SH2D7: variants seen among roughly 807,000 people sequenced by gnomAD.
SH2D7 encodes SH2 domain-containing protein 7.
SH2D7 carries 32 observed loss-of-function variants against 40.8 expected under a neutral mutation model. That is an observed-to-expected ratio of 0.78 (90% CI 0.59 to 1.05). SH2D7 has a LOEUF of 1.05. Among genes scored for constraint, SH2D7 ranks in the 50% least tolerant of loss-of-function variants. The pLI, the probability that SH2D7 is intolerant of heterozygous loss-of-function variation, is 0.00. For missense variants in SH2D7, 559 were observed against 566.6 expected, an observed-to-expected ratio of 0.99 and a Z score of 0.14; for synonymous variants, 195 against 221.5, an observed-to-expected ratio of 0.88 and a Z score of 1.06.
rs1176002367 is a variant in SH2D7 at position 78,101,514 on chromosome 15, C to T, written c.1261C>T (p.Gln421Ter). 6.2e-7 allele frequency: 1 copy of T among 1,606,712 alleles called. No individual in the cohort carries two copies. Among genetic ancestry groups the T allele is most frequent in the African/African-American group, 1.3e-5 (1 of 74,496 alleles). ...ELSEPGNTYE[Q>*]IPATKSKETG... ...CTCAGAGCCTGGGAACACCTATGAA[C>T]AGATCCCAGCAACCAAGAGCAAGGA... The change falls in exon 5 of 6, where the codon CAG becomes TAG. Residue 421 changes from glutamine (Q) to a stop codon, truncating the protein, a stop_gained. Coordinates refer to ENST00000328828, the MANE Select transcript of SH2D7 (RefSeq NM_001101404.2). LOFTEE classifies it high-confidence loss of function.
chr15:78,092,887 CG>C (rs1567042626), intron 1 of SH2D7, 127 bp downstream of exon 1: 8 of 1,208,184 alleles, frequency 6.6e-6, no homozygotes, highest in East Asian at 2.6e-5. Flanking sequence ...CCCTTGGAGG[CG>C]GGGGGCAGGG....
chr15:78,093,916 T>A (rs964492013), intron 1 of SH2D7, among the ~76,000 whole-genome samples, 196 bp from the exon 2 acceptor site: 10 of 152,166 alleles, frequency 6.6e-5, no homozygotes, highest in Admixed American at 1.3e-4. Context: ...ACTTAATCAT[T>A]TGGGCTCAGA....
upstream of SH2D7, among the ~76,000 whole-genome samples, chr15:78,091,547 A>T (rs1373470737): frequency 1.3e-5 from 2 of 152,090 alleles, no homozygotes; most frequent in Admixed American, 1.3e-4. Context: ...CTTGAGGCTG[A>T]CTGCACCATC....
chr15:78,097,883 GCT>G lies in SH2D7; in HGVS notation c.267-45_267-44del, dbSNP rs2073983067. 2.5e-6 allele frequency: 4 copies of G among 1,597,334 alleles called. No homozygotes were observed. In the East Asian group the frequency reaches 8.9e-5, roughly 36 times the overall value. On this transcript the variant is annotated intron_variant, in intron 2 of 5. Coordinates refer to ENST00000328828, the MANE Select transcript of SH2D7 (RefSeq NM_001101404.2). ...AGCTCAGACCCTGGGCCAAGGCTGGGCTGCCTGTGACCAGCAGCCCCAGACCA... is the reference window on the plus strand; with the variant it reads ...AGCTCAGACCCTGGGCCAAGGCTGGGGCCTGTGACCAGCAGCCCCAGACCA...
chr15:78,094,238 C>T, intron 2 of SH2D7, 37 bp downstream of exon 2: 1 of 1,573,178 alleles, frequency 6.4e-7, no homozygotes, highest in Non-Finnish European at 8.6e-7. Context: ...CAAGCTCATC[C>T]TACCATAACC....
At chr15:78,094,008 A>T (rs1330099790) in intron 1 of SH2D7, 104 bp from the exon 2 acceptor site, 26 of 1,147,184 alleles carry the variant, frequency 2.3e-5, no homozygotes, top group Middle Eastern at 2.6e-4. Flanking sequence ...GGAGGTCTGG[A>T]ACCCAAAGGC....
At position 78,098,086 on chromosome 15, in the gene SH2D7, T is replaced by TA; in HGVS notation, c.424_425insA (p.Cys142Ter). The TA allele has an allele frequency of 6.2e-7, 1 of 1,608,334 alleles. No individual in the cohort carries two copies. The highest frequency in any genetic ancestry group is 8.5e-7 in the Non-Finnish European group (1 of 1,176,980). Residue 142 changes from cysteine to a stop codon, truncating the protein, a stop_gained and frameshift_variant, in exon 3 of 6, where the codon TGC (cysteine) becomes TAGC (stop). Coordinates refer to ENST00000328828, the MANE Select transcript of SH2D7 (RefSeq NM_001101404.2). LOFTEE classifies it high-confidence loss of function. ...CTTCAAAGAGATGCTGACTGCTGCC[T>TA]GCCCCCGGGTAGGCGCCCCACTTCC... is the stretch of plus-strand genomic sequence containing the variant. ...EPFKEMLTAA[C>*]PRPEDNDLYD...
At chr15:78,092,961 A>T (rs796744767) in intron 1 of SH2D7, among the ~76,000 whole-genome samples, 6 of 151,046 alleles carry the variant, frequency 4.0e-5, no homozygotes, top group African/African-American at 1.5e-4. Flanking sequence ...CGGGGAGGGC[A>T]ACGGCCTCTA....
At chr15:78,092,489 G>C (rs2073945420), upstream of SH2D7, 11 of 1,352,380 alleles carry the variant, frequency 8.1e-6, no homozygotes, top group Admixed American at 1.5e-4. Context: ...TGGGCCCTTG[G>C]GTAGGGCACG....
At chr15:78,103,391 G>A in intron 5 of SH2D7, 74 bp from the exon 6 acceptor site, 2 of 1,525,896 alleles carry the variant, frequency 1.3e-6, no homozygotes, top group Non-Finnish European at 8.9e-7. Context: ...AGGTCAATGA[G>A]GGGTCCTCGG....
chr15:78,096,983 C>T (rs536670235), intron 2 of SH2D7, among the ~76,000 whole-genome samples: 3 of 152,224 alleles, frequency 2.0e-5, no homozygotes, highest in East Asian at 1.9e-4. Context: ...CCGGAAACTA[C>T]CTAAATGTCT....
chr15:78,103,838 C>T lies in SH2D7; in HGVS notation c.*323C>T, dbSNP rs1366782941. On this transcript the variant is annotated 3_prime_UTR_variant, in exon 6 of 6. Coordinates refer to ENST00000328828, the MANE Select transcript of SH2D7 (RefSeq NM_001101404.2). ...CCAGATAAGCATGCTGAGGCCCAGG[C>T]AGACTGACTGAACCTGCCTCCCACT... 2.9e-6 allele frequency: 1 copy of T among 348,272 alleles called. No individual in the cohort carries two copies. Among genetic ancestry groups the T allele is most frequent in the Non-Finnish European group, 5.4e-6 (1 of 186,354 alleles). 21.6% of individuals were successfully genotyped at this position (348,272 alleles called of 1,614,324 possible). A position where few individuals can be genotyped will look rare whatever the true frequency, so the allele number is the denominator to read the frequency against.
rs1287572073 is a variant in SH2D7 at position 78,097,923 on chromosome 15, T to C, written c.267-6T>C. On this transcript the variant is annotated splice_region_variant and splice_polypyrimidine_tract_variant and intron_variant, in intron 2 of 5. Transcript: ENST00000328828. ...CAGCCCCAGACCACAAGCACTTGTGTTGCAGGGGCAGTGATCGCTGCCGAC... is the reference window on the plus strand; with the variant it reads ...CAGCCCCAGACCACAAGCACTTGTGCTGCAGGGGCAGTGATCGCTGCCGAC... The C allele has an allele frequency of 6.2e-7, 1 of 1,613,112 alleles. No individual in the cohort carries two copies. The highest frequency in any genetic ancestry group is 8.5e-7 in the Non-Finnish European group (1 of 1,179,358).
Position 78,103,488 on chromosome 15 carries a change from C to T in SH2D7, c.1329C>T (p.Phe443=). 6.4e-7 allele frequency: 1 copy of T among 1,564,252 alleles called. No individual in the cohort carries two copies. Among genetic ancestry groups the T allele is most frequent in the Non-Finnish European group, 8.7e-7 (1 of 1,153,486 alleles). ...AGCCTGACAAGCTTCGGAGGCTCTT[C>T]TTCACGTACAGGAAGCACAAATTCT... ...THKPDKLRRL[F]FTYRKHKF Residue 443 remains phenylalanine (F), a synonymous_variant, in exon 6 of 6, where the codon TTC becomes TTT. Coordinates refer to ENST00000328828, the MANE Select transcript of SH2D7 (RefSeq NM_001101404.2).
chr15:78,103,797 T>G lies in SH2D7; in HGVS notation c.*282T>G. On this transcript the variant is annotated 3_prime_UTR_variant, in exon 6 of 6. Coordinates refer to ENST00000328828, the MANE Select transcript of SH2D7 (RefSeq NM_001101404.2). ...GAATGAGATTGGCCAAAGGCAGGGG[T>G]CACCACCCCCATTTCCCAGATAAGC... 1 of 437,070 alleles carries G rather than the reference T, an allele frequency of 2.3e-6. No homozygotes were observed. Among genetic ancestry groups the G allele is most frequent in the South Asian group, 3.0e-5 (1 of 33,056 alleles). 27.1% of individuals were successfully genotyped at this position (437,070 alleles called of 1,614,324 possible). A position where few individuals can be genotyped will look rare whatever the true frequency, so the allele number is the denominator to read the frequency against.
chr15:78,091,201 T>C (rs758155906), upstream of SH2D7: 3 of 152,232 alleles, frequency 2.0e-5, no homozygotes, highest in Non-Finnish European at 4.4e-5. Flanking sequence ...TCTGTCTTAC[T>C]TCAGAATGAG....
upstream of SH2D7, among the ~76,000 whole-genome samples, chr15:78,090,697 C>G (rs896231724): frequency 6.6e-6 from 1 of 152,014 alleles, no homozygotes; most frequent in Non-Finnish European, 1.5e-5. Flanking sequence ...CTATGTTATT[C>G]CACACACTGT....
chr15:78,096,309 T>C (rs2073972173), intron 2 of SH2D7, among the ~76,000 whole-genome samples: 1 of 151,976 alleles, frequency 6.6e-6, no homozygotes, highest in Admixed American at 6.6e-5. Flanking sequence ...AAATAGATAA[T>C]TCAATAAGTA....
At chr15:78,094,026 G>A in intron 1 of SH2D7, 86 bp from the exon 2 acceptor site, 2 of 1,333,478 alleles carry the variant, frequency 1.5e-6, no homozygotes, top group Non-Finnish European at 2.1e-6. Context: ...GGCATGGCCA[G>A]CAGGGATTCC....
Sources: gnomAD v4.1 joint callset for allele counts (sites outside exome capture counted in the v4.1 genomes callset) on GRCh38, gnomAD v4.1.1 for gene constraint, MANE v1.5 for transcripts, NCBI Gene and HGNC (gene_info 2026-07-23, HGNC 2026-07-21) for gene names.